Variants in TIMM22 observed in about 807,000 individuals in gnomAD.
The protein encoded by TIMM22 is mitochondrial import inner membrane translocase subunit Tim22.
Under a neutral mutation model 18.3 loss-of-function variants are expected in TIMM22, and 12 were observed. The observed-to-expected ratio is 0.65, with a 90% confidence interval of 0.42 to 1.06. TIMM22 has a LOEUF of 1.06. Ranked by LOEUF, TIMM22 falls within the 50% of genes least tolerant of loss-of-function variation. The pLI is 0.00. For synonymous variants in TIMM22, 107 were observed against 98.5 expected, an observed-to-expected ratio of 1.09 and a Z score of -0.51; for missense variants, 278 against 252.8, an observed-to-expected ratio of 1.10 and a Z score of -0.68.
rs1182092940 is a variant in TIMM22 at position 1,002,963 on chromosome 17, C to CCAAA, written c.*1878_*1881dup. The CCAAA allele has an allele frequency of 2.6e-5, 4 of 152,094 alleles. No homozygotes were observed. Among genetic ancestry groups the CCAAA allele is most frequent in the Admixed American group, 6.6e-5 (1 of 15,260 alleles). The allele number at this position is 152,094 out of a possible 1,614,324, so 9.4% of individuals were successfully genotyped here. ...TGGGGAGCCAGTATGAGCTCATAAACCAAACAGCAATTTTCAGAGACATCT... is the reference window on the plus strand; with the variant it reads ...TGGGGAGCCAGTATGAGCTCATAAACCAAACAAACAGCAATTTTCAGAGACATCT... On this transcript the variant is annotated 3_prime_UTR_variant, in exon 4 of 4. Transcript: ENST00000327158.
intron 3 of TIMM22, 70 bp downstream of exon 3, chr17:999,654 A>T: frequency 2.8e-6 from 4 of 1,415,950 alleles, no homozygotes; most frequent in Non-Finnish European, 4.0e-6. Flanking sequence ...TCATTTCCAA[A>T]CACACGAGTG....
rs1034554045 is a variant in TIMM22, at chr17:1,001,985, T to G, written c.*897T>G. The G allele has an allele frequency of 1.3e-5, 2 of 152,128 alleles. No homozygotes were observed. Among genetic ancestry groups the G allele is most frequent in the African/African-American group, 4.8e-5 (2 of 41,410 alleles). 9.4% of individuals were successfully genotyped at this position (152,128 alleles called of 1,614,324 possible). ...CATGTGAAGGGTCCTGCTGTGGTCA[T>G]CTTGGTGACTCGGTCACAGCAGCTA... On this transcript the variant is annotated 3_prime_UTR_variant, in exon 4 of 4. Transcript: ENST00000327158.
chr17:997,508 G>T, intron 1 of TIMM22, 128 bp downstream of exon 1: 2 of 907,258 alleles, frequency 2.2e-6, no homozygotes, highest in Non-Finnish European at 3.3e-6. Context: ...CCCTCGCCTC[G>T]TTCGTGAATC....
At position 997,293 on chromosome 17, in the gene TIMM22, C is replaced by T. The variant is rs376913218; in HGVS notation, c.151C>T (p.Pro51Ser). Residue 51 changes from proline (P) to serine (S), a missense_variant, in exon 1 of 4, where the codon CCA (proline) becomes TCA (serine). Physicochemically the swap from Pro to Ser is moderately conservative, Grantham distance 74. Coordinates refer to ENST00000327158, the MANE Select transcript of TIMM22 (RefSeq NM_013337.4). ...GGAGCCTGGGAGCCTGGGCGGGATC[C>T]CAAGTCCAGCCAAGAGTGAGGAGCA... is the stretch of plus-strand genomic sequence containing the variant. Reference protein sequence around the residue: ...LLEPGSLGGIPSPAKSEEQKM... With the variant: ...LLEPGSLGGISSPAKSEEQKM... The T allele has an allele frequency of 2.7e-5, 43 of 1,613,636 alleles. No homozygotes were observed. Among genetic ancestry groups the T allele is most frequent in the Admixed American group, 5.0e-5 (3 of 59,992 alleles).
At chr17:999,358 T>TATATATATATATATATATAC (rs1408779709) in intron 2 of TIMM22, among the ~76,000 whole-genome samples, 154 bp from the exon 3 acceptor site, 7 of 132,606 alleles carry the variant, frequency 5.3e-5, no homozygotes, top group African/African-American at 1.9e-4. Flanking sequence ...TATATATATA[T>TATATATATATATATATATAC]ACACGCTGTA....
intron 1 of TIMM22, 112 bp downstream of exon 1, chr17:997,492 A>G: frequency 9.7e-7 from 1 of 1,035,948 alleles, no homozygotes; most frequent in Non-Finnish European, 1.4e-6. Flanking sequence ...CTTGACCTTG[A>G]CCACACCCTC....
At chr17:999,722 T>C in intron 3 of TIMM22, 138 bp downstream of exon 3, 1 of 909,952 alleles carries the variant, frequency 1.1e-6, no homozygotes, top group Non-Finnish European at 1.7e-6. Context: ...GTTTCTGTGG[T>C]AACTCGGTTT....
chr17:997,138 C>T lies in TIMM22; in HGVS notation c.-5C>T. On this transcript the variant is annotated 5_prime_UTR_variant, in exon 1 of 4. Coordinates refer to ENST00000327158, the MANE Select transcript of TIMM22 (RefSeq NM_013337.4). ...GACGCGAGGGTTGCTTGGGCAGCGA[C>T]TGTCATGGCGGCGGCCGCCCCCAAT... 1 of 1,608,688 alleles carries T rather than the reference C, an allele frequency of 6.2e-7. No homozygotes were observed. The highest frequency in any genetic ancestry group is 1.1e-5 in the South Asian group (1 of 90,896).
chr17:997,355 C>A lies in TIMM22; in HGVS notation c.213C>A (p.Phe71Leu). The change falls in exon 1 of 4, where the codon TTC becomes TTA. Residue 71 changes from phenylalanine (F) to leucine (L), a missense_variant. Physicochemically the swap from Phe to Leu is conservative, Grantham distance 22. Coordinates refer to ENST00000327158, the MANE Select transcript of TIMM22 (RefSeq NM_013337.4). ...AGAAGGCGATGGAAAGCTGCGCTTT[C>A]AAGGCTGCGCTGGCCTGCGTGGGAG... The part of the protein sequence containing the change: ...MIEKAMESCA[F>L]KAALACVGGF... 6.2e-7 allele frequency: 1 copy of A among 1,613,420 alleles called. No individual in the cohort carries two copies. Among genetic ancestry groups the A allele is most frequent in the South Asian group, 1.1e-5 (1 of 90,990 alleles).
Position 998,953 on chromosome 17 carries a change from G to A in TIMM22, c.413G>A (p.Cys138Tyr), listed in dbSNP as rs779402678. Reference protein sequence around the residue: ...NFAIVGAMFSCTECLIESYRG... With the variant: ...NFAIVGAMFSYTECLIESYRG... ...GCCATTGTGGGAGCCATGTTTTCTT[G>A]TACTGAGTGTTTGATAGAATCTGTA... is the stretch of plus-strand genomic sequence containing the variant. The change falls in exon 2 of 4, where the codon TGT becomes TAT. Residue 138 changes from cysteine to tyrosine, a missense_variant. By Grantham distance (194) the Cys-to-Tyr change is radical (BLOSUM62 -2). Coordinates refer to ENST00000327158, the MANE Select transcript of TIMM22 (RefSeq NM_013337.4). 4 of 1,613,624 alleles carry A rather than the reference G, an allele frequency of 2.5e-6. No homozygotes were observed. The highest frequency in any genetic ancestry group is 2.5e-6 in the Non-Finnish European group (3 of 1,179,780).
intron 1 of TIMM22, 80 bp downstream of exon 1, chr17:997,460 T>C: frequency 7.0e-7 from 1 of 1,421,220 alleles, no homozygotes; most frequent in African/African-American, 1.4e-5. Flanking sequence ...ACCACGCGCC[T>C]GGGAGGCGAG....
intron 2 of TIMM22, 86 bp downstream of exon 2, chr17:999,061 G>T: frequency 7.0e-7 from 1 of 1,426,814 alleles, no homozygotes; most frequent in South Asian, 1.3e-5. Context: ...AAAGTCATTT[G>T]AAAGTTGTTA....
At position 999,352 on chromosome 17, in the gene TIMM22, T is replaced by G. The variant is rs2586236; in HGVS notation, c.436-160T>G. Among the ~76,000 whole-genome samples, 6 of 129,300 alleles carry G rather than the reference T, an allele frequency of 4.6e-5. No homozygotes were observed. In the East Asian group the frequency reaches 1.1e-3, roughly 25 times the overall value. The allele number at this position is 129,300 out of a possible 152,430, so 84.8% of individuals were successfully genotyped here. A position where few individuals can be genotyped will look rare whatever the true frequency, so the allele number is the denominator to read the frequency against. On this transcript the variant is annotated intron_variant, in intron 2 of 3. Transcript: ENST00000327158. ...ATATATATATATATATATATATATA[T>G]ATATATACACGCTGTATACTTAGGA...
Position 997,396 on chromosome 17 carries a change from G to A in TIMM22, c.238+16G>A. ...TGCGTGGGAGGTGAGGCCGGGCGAT[G>A]GGACCCTTGGGAGGCTGAGGGCCTG... On this transcript the variant is annotated intron_variant, in intron 1 of 3. Coordinates refer to ENST00000327158, the MANE Select transcript of TIMM22 (RefSeq NM_013337.4). 1 of 1,608,264 alleles carries A rather than the reference G, an allele frequency of 6.2e-7. No individual in the cohort carries two copies. Among genetic ancestry groups the A allele is most frequent in the Non-Finnish European group, 8.5e-7 (1 of 1,176,884 alleles).
Position 999,433 on chromosome 17 carries a change from G to A in TIMM22, c.436-79G>A. 2.8e-6 allele frequency: 4 copies of A among 1,449,378 alleles called. No homozygotes were observed. The South Asian group carries it at 3.9e-5, about 14-fold the overall frequency. 89.8% of individuals were successfully genotyped at this position (1,449,378 alleles called of 1,614,324 possible). On this transcript the variant is annotated intron_variant, in intron 2 of 3. Transcript: ENST00000327158. ...TTGGGTAGGGACTGAATGAGCTAACGAGCAACCCTGTGTATTCCTCCTTAA... is the reference window on the plus strand; with the variant it reads ...TTGGGTAGGGACTGAATGAGCTAACAAGCAACCCTGTGTATTCCTCCTTAA...
At position 997,179 on chromosome 17, in the gene TIMM22, C is replaced by G. The variant is rs774390337; in HGVS notation, c.37C>G (p.Pro13Ala). 1.1e-5 allele frequency: 17 copies of G among 1,611,688 alleles called. No homozygotes were observed. Among genetic ancestry groups the G allele is most frequent in the Non-Finnish European group, 1.4e-5 (17 of 1,179,688 alleles). ...AAAPNAGGSA[P>A]ETAGSAEAPL... is the part of the protein sequence containing the mutation. ...CGCCCCCAATGCCGGAGGCTCGGCC[C>G]CTGAGACAGCGGGTTCCGCCGAAGC... Residue 13 changes from proline to alanine, a missense_variant, in exon 1 of 4, where the codon CCT becomes GCT. Physicochemically the swap from Pro to Ala is conservative, Grantham distance 27. Coordinates refer to ENST00000327158, the MANE Select transcript of TIMM22 (RefSeq NM_013337.4).
At chr17:998,250 A>G (rs1200338284) in intron 1 of TIMM22, among the ~76,000 whole-genome samples, 1 of 152,206 alleles carries the variant, frequency 6.6e-6, no homozygotes, top group African/African-American at 2.4e-5. Flanking sequence ...CGGCTCAGGA[A>G]GGACAGATGT....
At chr17:1,000,821 G>A (rs1446314331) in intron 3 of TIMM22, among the ~76,000 whole-genome samples, 191 bp from the exon 4 acceptor site, 1 of 152,232 alleles carries the variant, frequency 6.6e-6, no homozygotes, top group Non-Finnish European at 1.5e-5. Context: ...CTAAACAAAT[G>A]TAGTTAGATA....
rs934479027 is a variant in TIMM22 at position 1,001,146 on chromosome 17, G to A, written c.*58G>A. 3 of 1,582,006 alleles carry A rather than the reference G, an allele frequency of 1.9e-6. No homozygotes were observed. The highest frequency in any genetic ancestry group is 2.2e-5 in the South Asian group (2 of 90,220). The stretch of plus-strand genomic sequence containing the variant: ...CCCCGGATCCGGGCTGCTCTCTGGA[G>A]GACAGTTTCTGTACCACACCAGGGC... On this transcript the variant is annotated 3_prime_UTR_variant, in exon 4 of 4. Transcript: ENST00000327158.
Sources: allele counts gnomAD v4.1 joint callset (sites outside exome capture counted in the v4.1 genomes callset), GRCh38; gene constraint gnomAD v4.1.1; transcripts MANE v1.5; gene names NCBI Gene and HGNC (gene_info 2026-07-23, HGNC 2026-07-21).